The following MAGI2 variants were observed in gnomAD, a reference collection of about 807,000 sequenced individuals.
MAGI2 encodes membrane-associated guanylate kinase, WW and PDZ domain-containing protein 2.
A neutral mutation model predicts 133.3 loss-of-function variants in MAGI2; 35 were observed. The observed-to-expected ratio is 0.26, with a 90% confidence interval of 0.20 to 0.35. MAGI2 has a LOEUF of 0.35. MAGI2 is among the 10% of genes least tolerant of loss of function. MAGI2 has a pLI of 1.00. For synonymous variants in MAGI2, 729 were observed against 710.6 expected (o/e 1.03, Z -0.41); for missense variants, 1,636 against 1,863.4 (o/e 0.88, Z 2.25).
chr7:78,678,764 T>C (rs986738053), intron 2 of MAGI2, among the ~76,000 whole-genome samples: 1 of 152,162 alleles, frequency 6.6e-6, no homozygotes, highest in African/African-American at 2.4e-5. Context: ...AGACTCATTA[T>C]GTGAATTTTA....
chr7:78,254,298 A>G (rs923451791), intron 10 of MAGI2: 1 of 152,098 alleles, frequency 6.6e-6, no homozygotes, highest in African/African-American at 2.4e-5. Flanking sequence ...AATGCATCCA[A>G]ATTTGTTTCT....
chr7:78,164,784 A>G (rs1825457299), intron 15 of MAGI2, among the ~76,000 whole-genome samples: 1 of 152,238 alleles, frequency 6.6e-6, no homozygotes, highest in South Asian at 2.1e-4. Context: ...CTTTCACATC[A>G]ATTCTAGATT....
At chr7:78,292,540 A>C (rs914649808) in intron 9 of MAGI2, among the ~76,000 whole-genome samples, 3 of 152,244 alleles carry the variant, frequency 2.0e-5, no homozygotes, top group South Asian at 2.1e-4. Flanking sequence ...TGCCATCCCC[A>C]TCAAGCTACC....
At chr7:78,836,338 A>C (rs1469890075) in intron 2 of MAGI2, among the ~76,000 whole-genome samples, 1 of 152,344 alleles carries the variant, frequency 6.6e-6, no homozygotes, top group East Asian at 1.9e-4. Flanking sequence ...TTTCTTGTAC[A>C]ACAGACTGCA....
Position 78,202,682 on chromosome 7 carries a change from C to CAAAAAA in MAGI2, c.2048-1495_2048-1490dup, listed in dbSNP as rs59358280. ...TGGGCAACAGAGTGAGACTCTGTCT[C>CAAAAAA]AAAAAAAAAAAAAAAAAAAAAAAAT... On this transcript the variant is annotated intron_variant, in intron 10 of 21. Coordinates refer to ENST00000354212, the MANE Select transcript of MAGI2 (RefSeq NM_012301.4). Among the ~76,000 whole-genome samples, 15 of 70,520 alleles carry CAAAAAA rather than the reference C, an allele frequency of 2.1e-4. 1 individual carries two copies. The highest frequency in any genetic ancestry group is 1.4e-3 in the East Asian group (3 of 2,162). 46.3% of individuals were successfully genotyped at this position (70,520 alleles called of 152,430 possible). A position where few individuals can be genotyped will look rare whatever the true frequency, so the allele number is the denominator to read the frequency against.
chr7:78,922,762 C>T (rs1013977444), intron 2 of MAGI2, among the ~76,000 whole-genome samples: 5 of 151,658 alleles, frequency 3.3e-5, no homozygotes, highest in Non-Finnish European at 5.9e-5. Context: ...CCTGAGGAAT[C>T]GCTACACTGA....
chr7:79,061,549 T>A (rs905116639), intron 1 of MAGI2, among the ~76,000 whole-genome samples: 2 of 152,060 alleles, frequency 1.3e-5, no homozygotes, highest in Admixed American at 1.3e-4. Flanking sequence ...TCTGAAGTTT[T>A]TTTTGAGGCA....
intron 1 of MAGI2, among the ~76,000 whole-genome samples, chr7:79,049,742 A>G (rs1005102467): frequency 2.6e-5 from 4 of 151,478 alleles, no homozygotes; most frequent in African/African-American, 9.7e-5. Context: ...TACTAAATAC[A>G]CATATTTTGT....
At chr7:78,091,400 T>C (rs1817196559) in intron 20 of MAGI2, among the ~76,000 whole-genome samples, 1 of 152,174 alleles carries the variant, frequency 6.6e-6, no homozygotes, top group Non-Finnish European at 1.5e-5. Flanking sequence ...GCCTTGATCT[T>C]GGACTTCCCA....
chr7:78,963,254 A>G (rs1803011673), intron 2 of MAGI2, among the ~76,000 whole-genome samples: 1 of 152,128 alleles, frequency 6.6e-6, no homozygotes, highest in African/African-American at 2.4e-5. Context: ...TTACTATCAC[A>G]TCCATTAAGA....
intron 2 of MAGI2, among the ~76,000 whole-genome samples, chr7:78,784,422 G>A (rs1328049153): frequency 1.3e-5 from 2 of 152,012 alleles, no homozygotes; most frequent in Non-Finnish European, 2.9e-5. Context: ...CTCCAAGCAG[G>A]TCATAGAAAC....
At chr7:79,297,626 C>T (rs1252490618) in intron 1 of MAGI2, among the ~76,000 whole-genome samples, 2 of 152,250 alleles carry the variant, frequency 1.3e-5, no homozygotes, top group Admixed American at 6.5e-5. Context: ...TATCTTCTAA[C>T]AAGAGAAGCC....
intron 2 of MAGI2, among the ~76,000 whole-genome samples, chr7:78,744,569 T>C (rs1822750143): frequency 1.3e-5 from 2 of 152,190 alleles, no homozygotes; most frequent in Non-Finnish European, 1.5e-5. Context: ...TGTTTCTCGT[T>C]GTGGTTTGTA....
intron 1 of MAGI2, among the ~76,000 whole-genome samples, chr7:79,198,085 T>C (rs896669757): frequency 6.6e-6 from 1 of 151,688 alleles, no homozygotes; most frequent in Non-Finnish European, 1.5e-5. Context: ...CGATTCTACA[T>C]AAAAATAAGT....
intron 2 of MAGI2, chr7:78,902,572 T>G (rs539948527): frequency 1.5e-4 from 23 of 152,258 alleles, no homozygotes; most frequent in African/African-American, 5.3e-4. Flanking sequence ...TTAGAACTCT[T>G]TTAGAAGCCG....
At chr7:78,615,103 T>C (rs1030647106) in intron 3 of MAGI2, 1 of 152,188 alleles carries the variant, frequency 6.6e-6, no homozygotes, top group African/African-American at 2.4e-5. Context: ...AGGCTGTCAA[T>C]GTGCCTGTCT....
intron 13 of MAGI2, among the ~76,000 whole-genome samples, chr7:78,184,857 A>G (rs931565840): frequency 4.5e-4 from 68 of 152,228 alleles, no homozygotes; most frequent in African/African-American, 1.6e-3. Context: ...TTATTGAAAT[A>G]TAGTATTTTA....
At chr7:78,524,254 C>A (rs994737173) in intron 3 of MAGI2, among the ~76,000 whole-genome samples, 1 of 152,164 alleles carries the variant, frequency 6.6e-6, no homozygotes, top group African/African-American at 2.4e-5. Flanking sequence ...CCTGCTACCC[C>A]GCCCCGGCAG....
At position 78,256,498 on chromosome 7, in the gene MAGI2, T is replaced by C. The variant is rs143678646; in HGVS notation, c.1492A>G (p.Ile498Val). 7 of 1,613,644 alleles carry C rather than the reference T, an allele frequency of 4.3e-6. No homozygotes were observed. Among genetic ancestry groups the C allele is most frequent in the Middle Eastern group, 1.6e-4 (1 of 6,080 alleles). ...DVVKLFQSVP[I>V]GQSVNLVLCR... ...AACACCAGGTTGACACTCTGACCAA[T>C]AGGAACAGACTGGAAAAGTTTGACA... The change falls in exon 10 of 22, where the codon ATT (isoleucine) becomes GTT (valine). Residue 498 changes from isoleucine to valine, a missense_variant. This residue lies in a region of MAGI2 where 920 missense variants were observed against 1,093.5 expected (regional missense o/e 0.84). Coordinates refer to ENST00000354212, the MANE Select transcript of MAGI2 (RefSeq NM_012301.4).
Sources: allele counts gnomAD v4.1 joint callset (sites outside exome capture counted in the v4.1 genomes callset), GRCh38; gene constraint gnomAD v4.1.1; regional missense constraint gnomAD v4.1.1; transcripts MANE v1.5; gene names NCBI Gene and HGNC (gene_info 2026-07-23, HGNC 2026-07-21).